The following CACNA1B variants were observed in gnomAD, a reference collection of about 807,000 sequenced individuals.
The protein encoded by CACNA1B is voltage-dependent N-type calcium channel subunit alpha-1B.
Under a neutral mutation model 247.2 loss-of-function variants are expected in CACNA1B, and 70 were observed. The ratio of observed to expected loss-of-function variants is 0.28; its 90% CI spans 0.23 to 0.35. The LOEUF (loss-of-function observed/expected upper bound fraction) is 0.35. Ranked by LOEUF, CACNA1B falls within the 10% of genes least tolerant of loss-of-function variation. The pLI, the probability that CACNA1B is intolerant of heterozygous loss-of-function variation, is 1.00. For synonymous variants in CACNA1B, 1,231 were observed against 1,294.4 expected, an observed-to-expected ratio of 0.95 and a Z score of 1.05; for missense variants, 2,367 against 3,197.4, an observed-to-expected ratio of 0.74 and a Z score of 6.26.
chr9:138,060,453 G>A lies in CACNA1B; in HGVS notation c.4668+716G>A, dbSNP rs554366597. Among the ~76,000 whole-genome samples the A allele has an allele frequency of 1.9e-3, 292 of 152,284 alleles. 1 individual carries two copies. The highest frequency in any genetic ancestry group is 6.4e-3 in the African/African-American group (268 of 41,560). On this transcript the variant is annotated intron_variant, in intron 31 of 46. Coordinates refer to ENST00000371372, the MANE Select transcript of CACNA1B (RefSeq NM_000718.4). ...GGAAGAGAAGGACCAGAAATCCTGC[G>A]TCCCAAGCCAAGTCCTGGTGGGTCA...
Position 137,952,275 on chromosome 9 carries a change from C to A in CACNA1B, c.968C>A (p.Thr323Lys). 6.2e-7 allele frequency: 1 copy of A among 1,613,502 alleles called. No homozygotes were observed. The highest frequency in any genetic ancestry group is 8.5e-7 in the Non-Finnish European group (1 of 1,179,506). Reference protein sequence around the residue: ...MEGWTDILYNTNDAAGNTWNW... With the variant: ...MEGWTDILYNKNDAAGNTWNW... ...TCATCTCCCTCTCCTTGCTTCCAGA[C>A]AAACGATGCGGCCGGCAACACCTGG... Residue 323 changes from threonine to lysine, a missense_variant and splice_region_variant, in exon 7 of 47, where the codon ACA (threonine) becomes AAA (lysine). Around this residue, in one of 12 missense-constraint regions of CACNA1B, gnomAD observed 32 missense variants for 37.2 expected, o/e 0.86. Coordinates refer to ENST00000371372, the MANE Select transcript of CACNA1B (RefSeq NM_000718.4). The surrounding 1 kb of genome is among the most constrained non-coding windows in gnomAD (Gnocchi z 4.8).
rs548438294 is a variant in CACNA1B, at chr9:137,956,641, G to A, written c.1187-130G>A. On this transcript the variant is annotated intron_variant, in intron 8 of 46. Transcript: ENST00000371372. ...TGCACTCCAGCCTGGGTGACAGAGC[G>A]AGACTCCATCTCAAAAAAAAAAAAA... The A allele has an allele frequency of 1.1e-4, 70 of 626,082 alleles. No homozygotes were observed. The African/African-American group carries it at 1.2e-3, about 11-fold the overall frequency. The allele number at this position is 626,082 out of a possible 1,614,324, so 38.8% of individuals were successfully genotyped here. A position where few individuals can be genotyped will look rare whatever the true frequency, so the allele number is the denominator to read the frequency against.
chr9:138,006,315 C>A (rs913040914), intron 15 of CACNA1B, among the ~76,000 whole-genome samples: 1 of 152,152 alleles, frequency 6.6e-6, no homozygotes, highest in Non-Finnish European at 1.5e-5. Flanking sequence ...CTAGACCCAC[C>A]AAGTGGAGTG....
intron 15 of CACNA1B, among the ~76,000 whole-genome samples, chr9:137,998,154 G>A (rs1026430865): frequency 3.3e-5 from 5 of 152,100 alleles, no homozygotes; most frequent in Non-Finnish European, 7.4e-5. Context: ...GAATGAGACT[G>A]GGGAGTTCTG....
Position 138,054,715 on chromosome 9 carries a change from G to A in CACNA1B, c.3968+709G>A, listed in dbSNP as rs1229822334. On this transcript the variant is annotated intron_variant, in intron 26 of 46. Coordinates refer to ENST00000371372, the MANE Select transcript of CACNA1B (RefSeq NM_000718.4). This position sits in a 1 kb window ranked among gnomAD's most constrained non-coding sequence, Gnocchi z 4.6. ...CTGGTAGTGGAATTGCCGGGTCCTG[G>A]GTGTGCGTGTACTCAGCCTTAGTAG... 6.6e-6 allele frequency among the ~76,000 whole-genome samples: 1 copy of A among 152,204 alleles called. No individual in the cohort carries two copies. Among genetic ancestry groups the A allele is most frequent in the African/African-American group, 2.4e-5 (1 of 41,444 alleles).
intron 15 of CACNA1B, among the ~76,000 whole-genome samples, chr9:137,996,043 T>C (rs770169014): frequency 2.0e-5 from 3 of 152,166 alleles, no homozygotes; most frequent in Non-Finnish European, 4.4e-5. Flanking sequence ...GGGAACACTT[T>C]TACACTGTTA....
At chr9:138,065,355 T>G (rs1455132589) in intron 31 of CACNA1B, among the ~76,000 whole-genome samples, 30 of 152,018 alleles carry the variant, frequency 2.0e-4, no homozygotes, top group Admixed American at 2.0e-3. Context: ...GTGGCCGGCA[T>G]TGGAAGTGAG....
intron 6 of CACNA1B, among the ~76,000 whole-genome samples, chr9:137,940,763 T>C (rs1957724560): frequency 6.6e-6 from 1 of 152,166 alleles, no homozygotes; most frequent in African/African-American, 2.4e-5. Context: ...TGGTTTAACA[T>C]ACTCAAGTCA....
chr9:138,023,410 C>G lies in CACNA1B; in HGVS notation c.2667C>G (p.His889Gln), dbSNP rs1435527311. ...CCCGGGAGGAGCGGCCGCGGCCGCA[C>G]CGCAGCCACAGCAAGGAGGCCGCGG... ...PGAREERPRP[H>Q]RSHSKEAAGP... The change falls in exon 19 of 47, where the codon CAC (histidine) becomes CAG (glutamine). Residue 889 changes from histidine (H) to glutamine (Q), a missense_variant. Transcript: ENST00000371372. 7.5e-7 allele frequency: 1 copy of G among 1,327,288 alleles called. No homozygotes were observed. The highest frequency in any genetic ancestry group is 1.6e-5 in the African/African-American group (1 of 64,174). The allele number at this position is 1,327,288 out of a possible 1,614,324, so 82.2% of individuals were successfully genotyped here.
rs760999993 is a variant in CACNA1B at position 138,052,465 on chromosome 9, C to T, written c.3807+277C>T. 5.9e-5 allele frequency among the ~76,000 whole-genome samples: 9 copies of T among 151,986 alleles called. No homozygotes were observed. Among genetic ancestry groups the T allele is most frequent in the Non-Finnish European group, 1.2e-4 (8 of 68,010 alleles). On this transcript the variant is annotated intron_variant, in intron 25 of 46. Coordinates refer to ENST00000371372, the MANE Select transcript of CACNA1B (RefSeq NM_000718.4). The surrounding 1 kb of genome is among the most constrained non-coding windows in gnomAD (Gnocchi z 5.1). ...TGCAGTGCAGTGCGGGAAAGGCTGC[C>T]GGGACAGGTGCAGGGTGGTGGAGGG... is the stretch of plus-strand genomic sequence containing the variant.
Position 138,059,535 on chromosome 9 carries a change from C to T in CACNA1B, c.4585-119C>T. 1 of 711,820 alleles carries T rather than the reference C, an allele frequency of 1.4e-6. No homozygotes were observed. Among genetic ancestry groups the T allele is most frequent in the South Asian group, 1.7e-5 (1 of 60,194 alleles). The allele number at this position is 711,820 out of a possible 1,614,324, so 44.1% of individuals were successfully genotyped here. Reference sequence around the variant, plus strand: ...TGCCCCCTGGGGTGGCCTGTCTGCCCTGTGCTCAGGGTCTATCACCCTCAC... The same window carrying T: ...TGCCCCCTGGGGTGGCCTGTCTGCCTTGTGCTCAGGGTCTATCACCCTCAC... On this transcript the variant is annotated intron_variant, in intron 30 of 46. Coordinates refer to ENST00000371372, the MANE Select transcript of CACNA1B (RefSeq NM_000718.4). The surrounding 1 kb of genome is among the most constrained non-coding windows in gnomAD (Gnocchi z 4.2).
In CACNA1B at chr9:138,005,263, T is replaced by A. The variant is rs1349997098; in HGVS notation, c.1975-1504T>A. Among the ~76,000 whole-genome samples, 3 of 152,226 alleles carry A rather than the reference T, an allele frequency of 2.0e-5. No homozygotes were observed. In the East Asian group the frequency reaches 5.8e-4, roughly 29 times the overall value. ...GGATACAGAAAATATGGTGTATATA[T>A]AACAGAACACTATTCAGCCACAAAA... On this transcript the variant is annotated intron_variant, in intron 15 of 46. Coordinates refer to ENST00000371372, the MANE Select transcript of CACNA1B (RefSeq NM_000718.4).
chr9:138,071,460 G>A (rs779781417), intron 32 of CACNA1B, among the ~76,000 whole-genome samples: 2 of 152,196 alleles, frequency 1.3e-5, no homozygotes, highest in Non-Finnish European at 2.9e-5. Context: ...TTGCTCTCCT[G>A]CATGCAGCTG....
At chr9:138,039,418 A>G (rs1289247194) in intron 20 of CACNA1B, among the ~76,000 whole-genome samples, 3 of 152,194 alleles carry the variant, frequency 2.0e-5, no homozygotes, top group African/African-American at 7.2e-5. Flanking sequence ...TCTACTGCAT[A>G]GAAATAATAA....
chr9:138,101,248 G>A (rs938235730), intron 37 of CACNA1B: 8 of 494,738 alleles, frequency 1.6e-5, no homozygotes, highest in Admixed American at 8.9e-5. Context: ...TGCCCGAAAC[G>A]CACACAGCAC....
chr9:138,053,619 C>T (rs1959377780), intron 25 of CACNA1B, among the ~76,000 whole-genome samples: 1 of 141,002 alleles, frequency 7.1e-6, no homozygotes, highest in Non-Finnish European at 1.5e-5. Context: ...TGGCTCCACC[C>T]CTCTCATCAT....
chr9:138,022,202 C>T (rs1233032715), intron 18 of CACNA1B, among the ~76,000 whole-genome samples: 1 of 152,174 alleles, frequency 6.6e-6, no homozygotes, highest in Non-Finnish European at 1.5e-5. Flanking sequence ...CATGTTCTGG[C>T]TCTGCTCCCA....
chr9:137,917,688 G>A lies in CACNA1B; in HGVS notation c.966+257G>A, dbSNP rs1432564424. 1.3e-5 allele frequency among the ~76,000 whole-genome samples: 2 copies of A among 152,246 alleles called. No individual in the cohort carries two copies. Among genetic ancestry groups the A allele is most frequent in the Non-Finnish European group, 2.9e-5 (2 of 68,044 alleles). On this transcript the variant is annotated intron_variant, in intron 6 of 46. Coordinates refer to ENST00000371372, the MANE Select transcript of CACNA1B (RefSeq NM_000718.4). This position sits in a 1 kb window ranked among gnomAD's most constrained non-coding sequence, Gnocchi z 5.5. ...CTCCTTCGTGAAAATGAAGCAGAAGGCTGACTGGTGGAGGTCAGAGAAGAA... is the reference window on the plus strand; with the variant it reads ...CTCCTTCGTGAAAATGAAGCAGAAGACTGACTGGTGGAGGTCAGAGAAGAA...
chr9:138,043,941 A>T (rs1021387822), intron 21 of CACNA1B, 41 bp downstream of exon 21: 4 of 1,602,200 alleles, frequency 2.5e-6, no homozygotes, highest in African/African-American at 1.3e-5. Flanking sequence ...CCGCCCACTC[A>T]CCCATGCATC....
Sources: allele counts gnomAD v4.1 joint callset (sites outside exome capture counted in the v4.1 genomes callset), GRCh38; gene constraint gnomAD v4.1.1; regional missense constraint gnomAD v4.1.1; non-coding constraint Gnocchi (gnomAD v3.1); transcripts MANE v1.5; gene names NCBI Gene and HGNC (gene_info 2026-07-23, HGNC 2026-07-21).